Variants in SLC35F4 observed in about 807,000 individuals in gnomAD.
SLC35F4 encodes the protein solute carrier family 35 member F4.
SLC35F4 carries 24 observed loss-of-function variants against 44.2 expected under a neutral mutation model. The ratio of observed to expected loss-of-function variants is 0.54; its 90% CI spans 0.39 to 0.76. The LOEUF is 0.76. Ranked by LOEUF, SLC35F4 falls within the 30% of genes least tolerant of loss-of-function variation. The pLI is 0.00. For synonymous variants in SLC35F4, 238 were observed against 223.6 expected (o/e 1.06, Z -0.57); for missense variants, 562 against 586.1 (o/e 0.96, Z 0.42).
chr14:57,960,653 T>C (rs1170847045), intron 1 of SLC35F4, among the ~76,000 whole-genome samples: 1 of 152,178 alleles, frequency 6.6e-6, no homozygotes, highest in Non-Finnish European at 1.5e-5. Flanking sequence ...GCAGGGGAAG[T>C]AACTTTATTT....
At chr14:57,688,729 T>C (rs2075139443) in intron 1 of SLC35F4, among the ~76,000 whole-genome samples, 1 of 152,180 alleles carries the variant, frequency 6.6e-6, no homozygotes, top group African/African-American at 2.4e-5. Context: ...GCAGTCAAGC[T>C]TTCCCTGCTA....
At chr14:57,670,747 G>A (rs951676495) in intron 1 of SLC35F4, among the ~76,000 whole-genome samples, 1 of 151,616 alleles carries the variant, frequency 6.6e-6, no homozygotes, top group Non-Finnish European at 1.5e-5. Flanking sequence ...AGTGGTGAAG[G>A]AAACAGGCCT....
chr14:57,934,974 AC>A, intron 1 of SLC35F4, among the ~76,000 whole-genome samples: 1 of 152,300 alleles, frequency 6.6e-6, no homozygotes, highest in Non-Finnish European at 1.5e-5. Flanking sequence ...GCACTGAATT[AC>A]CAACCCCAAA....
chr14:57,585,499 A>C (rs1322679575), intron 3 of SLC35F4, among the ~76,000 whole-genome samples: 1 of 152,198 alleles, frequency 6.6e-6, no homozygotes, highest in Non-Finnish European at 1.5e-5. Flanking sequence ...CAGGGCGATC[A>C]GGCAAGAGAA....
chr14:57,966,451 T>C (rs962670785), intron 1 of SLC35F4, among the ~76,000 whole-genome samples: 1 of 150,946 alleles, frequency 6.6e-6, no homozygotes, highest in African/African-American at 2.5e-5. Context: ...ATTTAACAAA[T>C]TGACCCATAA....
At chr14:57,727,650 A>G (rs183575567) in intron 1 of SLC35F4, among the ~76,000 whole-genome samples, 174 of 151,944 alleles carry the variant, frequency 1.1e-3, no homozygotes, top group African/African-American at 4.1e-3. Flanking sequence ...TCATTTACCC[A>G]CTGGTCATTC....
intron 6 of SLC35F4, among the ~76,000 whole-genome samples, chr14:57,569,025 C>G (rs1432792030): frequency 6.6e-6 from 1 of 152,104 alleles, no homozygotes; most frequent in Non-Finnish European, 1.5e-5. Context: ...TCCTGGAGCT[C>G]AGGTGAAGCA....
chr14:57,602,186 C>T (rs2070863095), intron 1 of SLC35F4, among the ~76,000 whole-genome samples: 1 of 151,078 alleles, frequency 6.6e-6, no homozygotes, highest in South Asian at 2.1e-4. Context: ...AAAAATGCTT[C>T]ATAGAGGACA....
rs1889825458 is a variant in SLC35F4 at position 57,937,586 on chromosome 14, G to GAAAGGA, written n.282+44326_282+44327insTCCTTT. On this transcript the variant is annotated intron_variant and non_coding_transcript_variant, in intron 1 of 1. Coordinates refer to the SLC35F4 transcript ENST00000556568. ...AAAGAAAAGAAAAGAGAAAAGAAAA[G>GAAAGGA]AAAGAAAAGAAAAGAAAAGAAAAGA... Among the ~76,000 whole-genome samples, 209 of 114,078 alleles carry GAAAGGA rather than the reference G, an allele frequency of 1.8e-3. 2 individuals carry two copies. Among genetic ancestry groups the GAAAGGA allele is most frequent in the African/African-American group, 5.9e-3 (183 of 31,266 alleles). 74.8% of individuals were successfully genotyped at this position (114,078 alleles called of 152,430 possible).
At chr14:57,831,983 A>G (rs1175996143) in intron 1 of SLC35F4, among the ~76,000 whole-genome samples, 1 of 152,216 alleles carries the variant, frequency 6.6e-6, no homozygotes, top group Non-Finnish European at 1.5e-5. Flanking sequence ...CCAGCAAAGA[A>G]CTCTGTAAAA....
intron 1 of SLC35F4, among the ~76,000 whole-genome samples, chr14:57,901,488 T>G (rs192487879): frequency 6.6e-6 from 1 of 151,712 alleles, no homozygotes; most frequent in Admixed American, 6.6e-5. Context: ...CATAGACACA[T>G]TGGGGGAGAA....
At chr14:57,775,488 C>G (rs1274618719) in intron 1 of SLC35F4, among the ~76,000 whole-genome samples, 1 of 152,214 alleles carries the variant, frequency 6.6e-6, no homozygotes, top group African/African-American at 2.4e-5. Context: ...AAGCTGAGGT[C>G]AATATCAGTC....
intron 1 of SLC35F4, among the ~76,000 whole-genome samples, chr14:57,643,172 A>T (rs2073328427): frequency 6.6e-6 from 1 of 152,062 alleles, no homozygotes; most frequent in Non-Finnish European, 1.5e-5. Context: ...ACACTTAAGC[A>T]AGTATAGTAA....
intron 1 of SLC35F4, among the ~76,000 whole-genome samples, chr14:57,727,626 C>T (rs2076237433): frequency 6.6e-6 from 1 of 151,888 alleles, no homozygotes; most frequent in South Asian, 2.1e-4. Context: ...TTTCCAATTT[C>T]TTCCTTAATT....
At chr14:57,721,812 C>G (rs1243628832) in intron 1 of SLC35F4, among the ~76,000 whole-genome samples, 2 of 152,106 alleles carry the variant, frequency 1.3e-5, no homozygotes, top group African/African-American at 4.8e-5. Flanking sequence ...ACATTGCCTC[C>G]CCAACCCATG....
At chr14:57,594,364 T>A (rs1359264577) in intron 1 of SLC35F4, among the ~76,000 whole-genome samples, 1 of 152,060 alleles carries the variant, frequency 6.6e-6, no homozygotes, top group African/African-American at 2.4e-5. Context: ...TAATTTTGTA[T>A]TTTTTGTAGA....
chr14:57,780,470 C>G (rs919610993), intron 1 of SLC35F4, among the ~76,000 whole-genome samples: 1 of 152,066 alleles, frequency 6.6e-6, no homozygotes, highest in Admixed American at 6.6e-5. Context: ...ATTTCATGCT[C>G]ACAGATAGAA....
At chr14:57,821,230 T>C (rs1360395534) in intron 1 of SLC35F4, among the ~76,000 whole-genome samples, 1 of 150,264 alleles carries the variant, frequency 6.7e-6, no homozygotes, top group African/African-American at 2.4e-5. Flanking sequence ...AAAACAATGC[T>C]AGTTCAGCCA....
At chr14:57,754,717 G>T (rs376300288) in intron 1 of SLC35F4, among the ~76,000 whole-genome samples, 1 of 152,238 alleles carries the variant, frequency 6.6e-6, no homozygotes, top group African/African-American at 2.4e-5. Context: ...ATTCCACCTA[G>T]CACAGGCCTC....
Sources: allele counts gnomAD v4.1 joint callset (sites outside exome capture counted in the v4.1 genomes callset), GRCh38; gene constraint gnomAD v4.1.1; transcripts MANE v1.5; gene names NCBI Gene and HGNC (gene_info 2026-07-23, HGNC 2026-07-21).